The following PFKFB4 variants were observed in gnomAD, a reference collection of about 807,000 sequenced individuals.
PFKFB4 encodes the protein 6-phosphofructo-2-kinase/fructose-2,6-bisphosphatase 4.
Under a neutral mutation model 62.8 loss-of-function variants are expected in PFKFB4, and 42 were observed. That is an observed-to-expected ratio of 0.67 (90% CI 0.52 to 0.86). The LOEUF is 0.86. Among genes scored for constraint, PFKFB4 ranks in the 40% least tolerant of loss-of-function variants. The probability of loss-of-function intolerance (pLI) is 0.00; values close to 1 mark genes in which losing one functional copy is unlikely to be tolerated. For synonymous variants in PFKFB4, 204 were observed against 240.7 expected, an observed-to-expected ratio of 0.85 and a Z score of 1.41; for missense variants, 475 against 627.2, an observed-to-expected ratio of 0.76 and a Z score of 2.59.
upstream of PFKFB4, chr3:48,561,086 G>T: frequency 7.8e-7 from 1 of 1,283,594 alleles, no homozygotes; most frequent in South Asian, 1.3e-5. The surrounding 1 kb of genome is among the most constrained non-coding windows in gnomAD (Gnocchi z 5.2). Flanking sequence ...GGTCGGTCAG[G>T]GAGCTGCCTC....
chr3:48,552,684 T>C (rs1386033065), intron 1 of PFKFB4, among the ~76,000 whole-genome samples: 1 of 152,214 alleles, frequency 6.6e-6, no homozygotes, highest in Admixed American at 6.5e-5. Flanking sequence ...GCATCTACCC[T>C]GCTCCCGCTG....
intron 5 of PFKFB4, 94 bp from the exon 6 acceptor site, chr3:48,539,404 T>C (rs2042733649): frequency 9.2e-7 from 1 of 1,083,138 alleles, no homozygotes; most frequent in Non-Finnish European, 1.4e-6. Context: ...CTCCATCCCC[T>C]GAGGCCCATG....
At chr3:48,543,488 G>T in intron 4 of PFKFB4, 92 bp downstream of exon 4, 1 of 1,199,508 alleles carries the variant, frequency 8.3e-7, no homozygotes, top group Non-Finnish European at 1.2e-6. Flanking sequence ...CACACACCCT[G>T]CCTTCCCCTC....
chr3:48,543,538 C>A (rs761701397), intron 4 of PFKFB4, 42 bp downstream of exon 4: 7 of 1,542,804 alleles, frequency 4.5e-6, no homozygotes, highest in Non-Finnish European at 6.2e-6. Flanking sequence ...TGGATGGGCT[C>A]CCATGTGTCA....
chr3:48,558,919 G>A (rs570104791), upstream of PFKFB4, among the ~76,000 whole-genome samples: 2 of 152,304 alleles, frequency 1.3e-5, no homozygotes, highest in Non-Finnish European at 2.9e-5. Context: ...TGGGGCCACC[G>A]TGGCCTCTGA....
At chr3:48,533,229 G>A (rs2042483862) in intron 9 of PFKFB4, among the ~76,000 whole-genome samples, 1 of 152,112 alleles carries the variant, frequency 6.6e-6, no homozygotes, top group Non-Finnish European at 1.5e-5. Flanking sequence ...TTATTGTTCA[G>A]TGGGTACAGA....
rs2042640772 is a variant in PFKFB4 at position 48,536,974 on chromosome 3, A to G, written c.633-511T>C. ...CTCCCACTAGAGCCCAGTCCTGGTCATCCAAGTGTGCTGAGCAGCTGCCAC... is the reference window on the plus strand; with the variant it reads ...CTCCCACTAGAGCCCAGTCCTGGTCGTCCAAGTGTGCTGAGCAGCTGCCAC... On this transcript the variant is annotated intron_variant, in intron 7 of 13. Transcript: ENST00000232375. Among the ~76,000 whole-genome samples, 6 of 152,292 alleles carry G rather than the reference A, an allele frequency of 3.9e-5. No homozygotes were observed. The South Asian group carries it at 1.2e-3, about 32-fold the overall frequency.
intron 12 of PFKFB4, 48 bp from the exon 13 acceptor site, chr3:48,522,098 G>T (rs754288231): frequency 3.9e-6 from 6 of 1,553,212 alleles, no homozygotes; most frequent in Non-Finnish European, 5.3e-6. Context: ...AAAGGCAGCT[G>T]AGCTGCAGAT....
intron 1 of PFKFB4, among the ~76,000 whole-genome samples, chr3:48,551,867 G>A (rs553239767): frequency 2.0e-5 from 3 of 152,226 alleles, no homozygotes; most frequent in East Asian, 1.9e-4. Context: ...CATCAAACGC[G>A]GTCTCACGTC....
chr3:48,560,308 C>G (rs952790672), upstream of PFKFB4, among the ~76,000 whole-genome samples: 13 of 152,346 alleles, frequency 8.5e-5, no homozygotes, highest in South Asian at 1.0e-3. Context: ...CTCTCCACCC[C>G]CAGCCCTGCT....
chr3:48,560,276 C>T (rs1473618204), upstream of PFKFB4, among the ~76,000 whole-genome samples: 2 of 152,218 alleles, frequency 1.3e-5, no homozygotes, highest in African/African-American at 4.8e-5. Context: ...CTGCTCTCTG[C>T]TGCCTCCCTT....
intron 5 of PFKFB4, 43 bp from the exon 6 acceptor site, chr3:48,539,353 C>T (rs2107537847): frequency 6.4e-7 from 1 of 1,562,742 alleles, no homozygotes; most frequent in Non-Finnish European, 8.8e-7. Flanking sequence ...GAGGGAGGAA[C>T]ACGGACATGT....
chr3:48,527,150 C>T (rs996341122), intron 9 of PFKFB4, among the ~76,000 whole-genome samples: 15 of 152,168 alleles, frequency 9.9e-5, no homozygotes, highest in South Asian at 6.2e-4. Context: ...GCCCCGCTGA[C>T]GCCTTGATTT....
intron 6 of PFKFB4, 134 bp downstream of exon 6, chr3:48,539,120 C>A (rs1301189447): frequency 4.1e-6 from 3 of 739,256 alleles, no homozygotes; most frequent in Non-Finnish European, 7.3e-6. Context: ...GCGAGGCATA[C>A]CTGACCCAGC....
intron 3 of PFKFB4, among the ~76,000 whole-genome samples, chr3:48,545,927 G>C (rs1439645930): frequency 6.6e-6 from 1 of 152,178 alleles, no homozygotes; most frequent in African/African-American, 2.4e-5. Context: ...TCTCTTTTGT[G>C]GGCTGCTCTG....
upstream of PFKFB4, chr3:48,561,069 G>A (rs573073955): frequency 3.8e-5 from 49 of 1,279,332 alleles, 1 homozygote; most frequent in South Asian, 4.0e-4. This position sits in a 1 kb window ranked among gnomAD's most constrained non-coding sequence, Gnocchi z 5.2. Flanking sequence ...GCTGCTCCCC[G>A]GCCCCAGGTC....
chr3:48,530,529 T>G (rs1363157526), intron 9 of PFKFB4, among the ~76,000 whole-genome samples: 1 of 151,612 alleles, frequency 6.6e-6, no homozygotes, highest in Non-Finnish European at 1.5e-5. Context: ...ACAAAAAAGA[T>G]CATATCTACA....
intron 1 of PFKFB4, among the ~76,000 whole-genome samples, chr3:48,552,977 C>T (rs550805288): frequency 7.2e-5 from 11 of 152,350 alleles, no homozygotes; most frequent in Admixed American, 2.0e-4. Flanking sequence ...AACCAAAGTT[C>T]AAGTGTATCA....
At position 48,523,528 on chromosome 3, in the gene PFKFB4, C is replaced by T. The variant is rs952336259; in HGVS notation, c.1285+9G>A. 13 of 1,613,424 alleles carry T rather than the reference C, an allele frequency of 8.1e-6. No individual in the cohort carries two copies. Among genetic ancestry groups the T allele is most frequent in the African/African-American group, 4.0e-5 (3 of 74,936 alleles). ...CTACCCATGGTCAATGTGCAGGAAG[C>T]TTCCTTACCATATGCCACAGGAGTC... On this transcript the variant is annotated intron_variant, in intron 12 of 13. Transcript: ENST00000232375.
Sources: allele counts gnomAD v4.1 joint callset (sites outside exome capture counted in the v4.1 genomes callset), GRCh38; gene constraint gnomAD v4.1.1; non-coding constraint Gnocchi (gnomAD v3.1); transcripts MANE v1.5; gene names NCBI Gene and HGNC (gene_info 2026-07-23, HGNC 2026-07-21).